The following GAS7 variants were observed in gnomAD, a reference collection of about 807,000 sequenced individuals.
The protein encoded by GAS7 is growth arrest specific 7.
In GAS7, 28 loss-of-function variants were observed where a neutral mutation model predicts 71.1. The observed-to-expected ratio is 0.39, with a 90% CI of 0.29 to 0.54. GAS7 has a LOEUF of 0.54. GAS7 is among the 20% of genes least tolerant of loss of function. The probability of loss-of-function intolerance (pLI) is 0.62; values close to 1 mark genes in which losing one functional copy is unlikely to be tolerated. For missense variants in GAS7, 436 were observed against 627.8 expected (o/e 0.69, Z 3.27); for synonymous variants, 258 against 245.8 (o/e 1.05, Z -0.46).
intron 2 of GAS7, among the ~76,000 whole-genome samples, chr17:9,996,909 G>A (rs1274011856): frequency 6.6e-6 from 1 of 151,924 alleles, no homozygotes; most frequent in Non-Finnish European, 1.5e-5. Flanking sequence ...CAAAGTGCTG[G>A]GATTACAGGC....
intron 1 of GAS7, among the ~76,000 whole-genome samples, chr17:10,162,762 T>C (rs1237666873): frequency 1.3e-5 from 2 of 152,188 alleles, no homozygotes; most frequent in Admixed American, 6.5e-5. Flanking sequence ...GGGAAGTATA[T>C]GATTCCAATT....
chr17:10,149,535 C>T (rs1474864792), intron 1 of GAS7, among the ~76,000 whole-genome samples: 1 of 152,174 alleles, frequency 6.6e-6, no homozygotes, highest in East Asian at 1.9e-4. Context: ...GAGGTAGAAA[C>T]AGTTTGGCAG....
chr17:10,198,177 G>T (rs1224623083), intron 1 of GAS7, 31 bp downstream of exon 1: 2 of 1,595,292 alleles, frequency 1.3e-6, no homozygotes, highest in Non-Finnish European at 1.7e-6. Flanking sequence ...CCGCAGCCCC[G>T]GCTCCTACAG....
rs1301504897 is a variant in GAS7, at chr17:9,919,883, G to T, written c.1139-178C>A. The stretch of plus-strand genomic sequence containing the variant: ...AAAGCAGAGCCAGGGAAGGAAGGGG[G>T]CAACCCAGCCCCATGAGAACCCAGC... On this transcript the variant is annotated intron_variant, in intron 11 of 13. Coordinates refer to ENST00000432992, the MANE Select transcript of GAS7 (RefSeq NM_201433.2). The surrounding 1 kb of genome is among the most constrained non-coding windows in gnomAD (Gnocchi z 5.0). 6.6e-6 allele frequency among the ~76,000 whole-genome samples: 1 copy of T among 152,120 alleles called. No individual in the cohort carries two copies. Among genetic ancestry groups the T allele is most frequent in the African/African-American group, 2.4e-5 (1 of 41,404 alleles).
intron 1 of GAS7, among the ~76,000 whole-genome samples, chr17:10,189,149 A>G (rs1171942113): frequency 6.6e-6 from 1 of 152,100 alleles, no homozygotes; most frequent in East Asian, 1.9e-4. Context: ...ACAGATGGGG[A>G]AAATACAAAA....
At chr17:9,996,086 G>T (rs776298051) in intron 2 of GAS7, among the ~76,000 whole-genome samples, 11 of 152,178 alleles carry the variant, frequency 7.2e-5, no homozygotes, top group Non-Finnish European at 1.2e-4. Flanking sequence ...ACCAAAGTAA[G>T]AAGACTATAA....
chr17:10,020,008 G>A, intron 1 of GAS7, 111 bp from the exon 2 acceptor site: 1 of 1,070,548 alleles, frequency 9.3e-7, no homozygotes, highest in Non-Finnish European at 1.4e-6. Flanking sequence ...ACATTGGGAA[G>A]TCTGCGGCCC....
At chr17:10,189,804 T>TG (rs2074483941) in intron 1 of GAS7, among the ~76,000 whole-genome samples, 1 of 152,022 alleles carries the variant, frequency 6.6e-6, no homozygotes, top group African/African-American at 2.4e-5. Context: ...CCGGCTGTGG[T>TG]GGCGGGTGCC....
At chr17:9,989,809 G>A (rs540580405) in intron 2 of GAS7, among the ~76,000 whole-genome samples, 159 of 152,318 alleles carry the variant, frequency 1.0e-3, no homozygotes, top group Non-Finnish European at 1.9e-3. Context: ...TTAACAGTTG[G>A]AAACATCAAA....
chr17:10,107,760 G>C (rs1210918596), intron 1 of GAS7, among the ~76,000 whole-genome samples: 1 of 151,112 alleles, frequency 6.6e-6, no homozygotes, highest in Non-Finnish European at 1.5e-5. Flanking sequence ...TGGTGAGCTG[G>C]TTAGGGAAAC....
chr17:10,104,027 T>TA (rs2073734059), intron 1 of GAS7, among the ~76,000 whole-genome samples: 2 of 152,108 alleles, frequency 1.3e-5, no homozygotes, highest in Non-Finnish European at 2.9e-5. Context: ...CCTTTAAATT[T>TA]AAAAAATTAA....
intron 1 of GAS7, among the ~76,000 whole-genome samples, chr17:10,084,059 C>T (rs1286253371): frequency 6.6e-6 from 1 of 152,216 alleles, no homozygotes; most frequent in Non-Finnish European, 1.5e-5. Flanking sequence ...GCTGCTCTCA[C>T]AGGGAGGCTG....
At chr17:10,032,852 G>T (rs1480707861) in intron 1 of GAS7, among the ~76,000 whole-genome samples, 1 of 152,142 alleles carries the variant, frequency 6.6e-6, no homozygotes, top group East Asian at 1.9e-4. Flanking sequence ...AGAATCGGTG[G>T]GAAAGAAAGG....
At chr17:10,088,903 A>T (rs1157495968) in intron 1 of GAS7, among the ~76,000 whole-genome samples, 1 of 152,072 alleles carries the variant, frequency 6.6e-6, no homozygotes, top group East Asian at 1.9e-4. Context: ...CATGCCTGCA[A>T]CCCCAGCACT....
chr17:10,187,108 T>TA (rs1035321092), intron 1 of GAS7, among the ~76,000 whole-genome samples: 2 of 152,164 alleles, frequency 1.3e-5, no homozygotes, highest in Non-Finnish European at 2.9e-5. Flanking sequence ...TTCACTGTCT[T>TA]AAAGTTAGGT....
intron 1 of GAS7, among the ~76,000 whole-genome samples, chr17:10,127,196 G>A (rs1052296820): frequency 9.9e-5 from 15 of 152,170 alleles, no homozygotes; most frequent in Non-Finnish European, 2.2e-4. Flanking sequence ...AACCTTCCAC[G>A]GCTCTGGACA....
chr17:10,191,647 C>T (rs144841409), intron 1 of GAS7, among the ~76,000 whole-genome samples: 2,555 of 149,958 alleles, frequency 0.017, 72 homozygotes, highest in African/African-American at 0.059. Context: ...GAGGCTGAGG[C>T]GGGTGAATCA....
intron 6 of GAS7, among the ~76,000 whole-genome samples, chr17:9,943,591 C>T (rs1438120744): frequency 6.6e-6 from 1 of 152,166 alleles, no homozygotes; most frequent in Non-Finnish European, 1.5e-5. Context: ...TGGCCCTCGG[C>T]GAATCTTGGC....
intron 1 of GAS7, among the ~76,000 whole-genome samples, chr17:10,175,549 G>A (rs2142136279): frequency 6.6e-6 from 1 of 152,238 alleles, no homozygotes; most frequent in Non-Finnish European, 1.5e-5. Flanking sequence ...TTCTTAAAAG[G>A]ACACCAGTCA....
Sources: allele counts gnomAD v4.1 joint callset (sites outside exome capture counted in the v4.1 genomes callset), GRCh38; gene constraint gnomAD v4.1.1; non-coding constraint Gnocchi (gnomAD v3.1); transcripts MANE v1.5; gene names NCBI Gene and HGNC (gene_info 2026-07-23, HGNC 2026-07-21).